The following ARIH1 variants were observed in gnomAD, a reference collection of about 807,000 sequenced individuals.
ARIH1 encodes the protein E3 ubiquitin-protein ligase ARIH1.
Under a neutral mutation model 85.0 loss-of-function variants are expected in ARIH1, and 8 were observed. The ratio of observed to expected loss-of-function variants is 0.09; its 90% CI spans 0.06 to 0.17. The LOEUF is 0.17. ARIH1 is among the 10% of genes least tolerant of loss of function. The pLI, the probability that ARIH1 is intolerant of heterozygous loss-of-function variation, is 1.00. For synonymous variants in ARIH1, 238 were observed against 253.6 expected (o/e 0.94, Z 0.59); for missense variants, 311 against 718.1 (o/e 0.43, Z 6.48).
intron 1 of ARIH1, among the ~76,000 whole-genome samples, chr15:72,498,961 ATTT>A (rs535261674): frequency 4.5e-5 from 4 of 88,428 alleles, no homozygotes; most frequent in African/African-American, 9.3e-5. Context: ...CTTTTCATAA[ATTT>A]TTTTTTTTTT....
chr15:72,559,262 T>G (rs992919537), intron 5 of ARIH1, among the ~76,000 whole-genome samples: 1 of 151,524 alleles, frequency 6.6e-6, no homozygotes, highest in South Asian at 2.1e-4. Context: ...AGCAATGGGG[T>G]TTTTTTTGTT....
intron 1 of ARIH1, among the ~76,000 whole-genome samples, chr15:72,502,449 T>G (rs183228862): frequency 1.3e-5 from 2 of 152,298 alleles, no homozygotes; most frequent in Admixed American, 1.3e-4. Flanking sequence ...TGTTATGTAT[T>G]TATAGGATTG....
In ARIH1 at chr15:72,600,136, G is replaced by C. The variant is rs1244860103; in HGVS notation, c.*16844G>C. On this transcript the variant is annotated 3_prime_UTR_variant, in exon 14 of 14. Transcript: ENST00000379887. ...TTAAAAATGTAAAAACTCAACTGTA[G>C]CTCCTTGTTTATACATATATTGGGG... 1 of 152,156 alleles carries C rather than the reference G, an allele frequency of 6.6e-6. No homozygotes were observed. Among genetic ancestry groups the C allele is most frequent in the Non-Finnish European group, 1.5e-5 (1 of 68,032 alleles). The allele number at this position is 152,156 out of a possible 1,614,324, so 9.4% of individuals were successfully genotyped here.
intron 2 of ARIH1, among the ~76,000 whole-genome samples, chr15:72,525,778 C>T (rs1451549124): frequency 1.3e-5 from 2 of 151,880 alleles, no homozygotes; most frequent in Non-Finnish European, 2.9e-5. Context: ...CTTCGGTGAC[C>T]CCTGTGTTCC....
At chr15:72,519,272 A>G (rs1007789796) in intron 2 of ARIH1, among the ~76,000 whole-genome samples, 7 of 151,964 alleles carry the variant, frequency 4.6e-5, no homozygotes, top group Admixed American at 4.6e-4. Flanking sequence ...AATAATACCG[A>G]GAATATCACC....
At chr15:72,523,099 A>G (rs1233858310) in intron 2 of ARIH1, among the ~76,000 whole-genome samples, 1 of 152,230 alleles carries the variant, frequency 6.6e-6, no homozygotes, top group African/African-American at 2.4e-5. Context: ...TTAAAATACA[A>G]AATGTACTCT....
At chr15:72,489,557 C>T (rs1338222273) in intron 1 of ARIH1, among the ~76,000 whole-genome samples, 2 of 152,196 alleles carry the variant, frequency 1.3e-5, no homozygotes, top group African/African-American at 2.4e-5. Flanking sequence ...TTTTCTAAGT[C>T]TTTATTCCTT....
intron 3 of ARIH1, among the ~76,000 whole-genome samples, chr15:72,547,584 C>T (rs1333935499): frequency 6.6e-6 from 1 of 152,168 alleles, no homozygotes; most frequent in African/African-American, 2.4e-5. Flanking sequence ...CAATTTTCTT[C>T]CAACCTGAGT....
rs2140386163 is a variant in ARIH1 at position 72,474,439 on chromosome 15, T to C, written c.-201T>C. The C allele has an allele frequency of 1.5e-6, 1 of 660,566 alleles. No homozygotes were observed. Among genetic ancestry groups the C allele is most frequent in the Non-Finnish European group, 2.5e-6 (1 of 407,442 alleles). The allele number at this position is 660,566 out of a possible 1,614,324, so 40.9% of individuals were successfully genotyped here. ...GGCAGCAAGCGGCCCCCTCGCTCCC[T>C]CCCTCCCTCCTCCGCGCCCTCCCCG... On this transcript the variant is annotated 5_prime_UTR_variant, in exon 1 of 14. Transcript: ENST00000379887.
chr15:72,510,661 C>T (rs1292837013), intron 1 of ARIH1, among the ~76,000 whole-genome samples: 13 of 124,138 alleles, frequency 1.0e-4, no homozygotes, highest in South Asian at 5.5e-4. Context: ...GATGTGAATC[C>T]GGGAGGCGGA....
chr15:72,474,560 C>T lies in ARIH1; in HGVS notation c.-80C>T, dbSNP rs770028966. The T allele has an allele frequency of 4.8e-6, 7 of 1,454,468 alleles. No individual in the cohort carries two copies. In the South Asian group the frequency reaches 9.2e-5, roughly 19 times the overall value. 90.1% of individuals were successfully genotyped at this position (1,454,468 alleles called of 1,614,324 possible). ...CCTGCGTCCGGACATCAGCCGGAGC[C>T]GGAGCGAGAGCCGGGGCCTCGGCGT... On this transcript the variant is annotated 5_prime_UTR_variant, in exon 1 of 14. Transcript: ENST00000379887.
intron 1 of ARIH1, among the ~76,000 whole-genome samples, chr15:72,492,963 A>G (rs573102640): frequency 6.6e-6 from 1 of 152,276 alleles, no homozygotes; most frequent in South Asian, 2.1e-4. Flanking sequence ...ATTCATGTAG[A>G]GTCAAATTAA....
At chr15:72,509,478 C>A (rs1278857291) in intron 1 of ARIH1, among the ~76,000 whole-genome samples, 1 of 152,140 alleles carries the variant, frequency 6.6e-6, no homozygotes, top group East Asian at 1.9e-4. Flanking sequence ...TTTCCCCTCA[C>A]CATCACCCCT....
chr15:72,570,437 G>A, intron 10 of ARIH1, 130 bp downstream of exon 10: 1 of 1,160,482 alleles, frequency 8.6e-7, no homozygotes, highest in South Asian at 1.6e-5. Context: ...TGTGATTAAT[G>A]TTATAAGTCT....
At position 72,594,811 on chromosome 15, in the gene ARIH1, C is replaced by CTTTTTTTTTTTTTTTTTTTTTTTTTT. The variant is rs71137306; in HGVS notation, c.*11521_*11546dup. 1.4e-4 allele frequency: 11 copies of CTTTTTTTTTTTTTTTTTTTTTTTTTT among 79,624 alleles called. 1 individual carries two copies. Among genetic ancestry groups the CTTTTTTTTTTTTTTTTTTTTTTTTTT allele is most frequent in the African/African-American group, 4.3e-4 (7 of 16,424 alleles). The allele number at this position is 79,624 out of a possible 1,614,324, so 4.9% of individuals were successfully genotyped here. ...TTTTTCTGATTTTATGCCTTTTCTT[C>CTTTTTTTTTTTTTTTTTTTTTTTTTT]TTTTTTTTTTTTTTTTTTTTTTTTT... On this transcript the variant is annotated 3_prime_UTR_variant, in exon 14 of 14. Coordinates refer to ENST00000379887, the MANE Select transcript of ARIH1 (RefSeq NM_005744.5).
intron 8 of ARIH1, 97 bp downstream of exon 8, chr15:72,566,702 A>G: frequency 3.8e-6 from 4 of 1,052,032 alleles, no homozygotes; most frequent in Non-Finnish European, 5.5e-6. Flanking sequence ...CTATCTATTG[A>G]TAGATTTTTT....
intron 2 of ARIH1, among the ~76,000 whole-genome samples, chr15:72,536,956 T>C (rs1302231207): frequency 6.6e-6 from 1 of 152,168 alleles, no homozygotes; most frequent in Non-Finnish European, 1.5e-5. Context: ...AGTATTCTAC[T>C]TTTTCTGAAA....
chr15:72,595,808 G>GTTTTTTTTTTTTTTTTTTTTTTT lies in ARIH1; in HGVS notation c.*12534_*12535insTTTTTTTTTTTTTTTTTTTTTTT, dbSNP rs59597213. ...TATTGCAGTGTTTTTTGTTTTTTCT[G>GTTTTTTTTTTTTTTTTTTTTTTT]TTTTTTTTTTTTTTTTTTCATCTTT... On this transcript the variant is annotated 3_prime_UTR_variant, in exon 14 of 14. Coordinates refer to ENST00000379887, the MANE Select transcript of ARIH1 (RefSeq NM_005744.5). 8.1e-6 allele frequency: 1 copy of GTTTTTTTTTTTTTTTTTTTTTTT among 122,836 alleles called. No homozygotes were observed. The allele number at this position is 122,836 out of a possible 1,614,324, so 7.6% of individuals were successfully genotyped here.
chr15:72,530,550 T>G (rs1441392439), intron 2 of ARIH1, among the ~76,000 whole-genome samples: 1 of 152,222 alleles, frequency 6.6e-6, no homozygotes, highest in African/African-American at 2.4e-5. Context: ...GAAACAAACG[T>G]AAATCTTCTC....
Sources: allele counts gnomAD v4.1 joint callset (sites outside exome capture counted in the v4.1 genomes callset), GRCh38; gene constraint gnomAD v4.1.1; transcripts MANE v1.5; gene names NCBI Gene and HGNC (gene_info 2026-07-23, HGNC 2026-07-21).